Variants in KLHL30 observed in about 807,000 individuals in gnomAD.
The protein encoded by KLHL30 is kelch-like protein 30.
In KLHL30, 55 loss-of-function variants were observed where a neutral mutation model predicts 55.0. The ratio of observed to expected loss-of-function variants is 1.00; its 90% CI spans 0.80 to 1.25. The LOEUF is 1.25. Among genes scored for constraint, KLHL30 ranks in the 50% most tolerant of loss-of-function variants. The probability of loss-of-function intolerance (pLI) is 0.00; values close to 1 mark genes in which losing one functional copy is unlikely to be tolerated. For synonymous variants in KLHL30, 356 were observed against 372.6 expected (o/e 0.96, Z 0.51); for missense variants, 786 against 811.6 (o/e 0.97, Z 0.38).
chr2:238,150,497 G>A (rs978922144), intron 7 of KLHL30, among the ~76,000 whole-genome samples: 8 of 152,164 alleles, frequency 5.3e-5, no homozygotes, highest in African/African-American at 1.7e-4. Flanking sequence ...GTGAGACAGC[G>A]AAGCCTCAGT....
intron 2 of KLHL30, among the ~76,000 whole-genome samples, chr2:238,142,200 A>G (rs1167973135): frequency 1.3e-5 from 2 of 152,218 alleles, no homozygotes; most frequent in African/African-American, 4.8e-5. Context: ...GTCCGGGGAC[A>G]AAGAGTGGCT....
chr2:238,150,933 C>G lies in KLHL30; in HGVS notation c.1605C>G (p.Ala535=). 6.3e-7 allele frequency: 1 copy of G among 1,592,196 alleles called. No homozygotes were observed. The highest frequency in any genetic ancestry group is 8.5e-7 in the Non-Finnish European group (1 of 1,170,774). The part of the protein sequence containing the change: ...MEGDYHVEME[A]YDTVRDTWTR... The stretch of plus-strand genomic sequence containing the variant: ...GTGACTACCACGTGGAGATGGAGGC[C>G]TACGACACGGTTCGGGACACCTGGA... Residue 535 remains alanine, a synonymous_variant, in exon 8 of 8, where the codon GCC becomes GCG. Transcript: ENST00000409223.
In KLHL30 at chr2:238,141,264, G is replaced by A. The variant is rs1440638513; in HGVS notation, c.510G>A (p.Glu170=). 1.9e-6 allele frequency: 3 copies of A among 1,604,452 alleles called. No homozygotes were observed. The highest frequency in any genetic ancestry group is 2.7e-5 in the African/African-American group (2 of 74,916). Residue 170 remains glutamate, a synonymous_variant, in exon 2 of 8, where the codon GAG becomes GAA. Coordinates refer to ENST00000409223, the MANE Select transcript of KLHL30 (RefSeq NM_198582.4). ...ENFEAVARED[E]FLQLPRERLV... is the part of the protein sequence containing the mutation. ...TTGAGGCTGTGGCACGTGAGGACGA[G>A]TTCCTGCAGCTTCCCCGAGAGCGGC...
chr2:238,150,642 G>A (rs1450149267), intron 7 of KLHL30, among the ~76,000 whole-genome samples, 172 bp from the exon 8 acceptor site: 1 of 152,224 alleles, frequency 6.6e-6, no homozygotes, highest in Non-Finnish European at 1.5e-5. Context: ...AGTCTGAGGA[G>A]GCTGGAGGGG....
chr2:238,152,041 T>C lies in KLHL30; in HGVS notation c.*976T>C, dbSNP rs897979144. On this transcript the variant is annotated 3_prime_UTR_variant, in exon 8 of 8. Transcript: ENST00000409223. Reference sequence around the variant, plus strand: ...CCCACCTTTGCAGCTAAGGAGACAATGAAGGACTCTCCCTGGGTGCCCAAT... The same window carrying C: ...CCCACCTTTGCAGCTAAGGAGACAACGAAGGACTCTCCCTGGGTGCCCAAT... 1.0e-6 allele frequency: 1 copy of C among 985,474 alleles called. No individual in the cohort carries two copies. Among genetic ancestry groups the C allele is most frequent in the African/African-American group, 1.7e-5 (1 of 57,346 alleles). The allele number at this position is 985,474 out of a possible 1,614,324, so 61.0% of individuals were successfully genotyped here.
chr2:238,144,482 G>GGCAGGCAGGCAGGCAT (rs1559276131), intron 3 of KLHL30, among the ~76,000 whole-genome samples: 1 of 148,718 alleles, frequency 6.7e-6, no homozygotes, highest in Non-Finnish European at 1.5e-5. Context: ...CAGGCAGGCA[G>GGCAGGCAGGCAGGCAT]GCATGCTGTT....
chr2:238,150,870 G>A lies in KLHL30; in HGVS notation c.1542G>A (p.Ala514=), dbSNP rs186746917. ...ENGALVPLGD[A]LYVTGGRWQG... ...GCGCGCTGGTGCCACTGGGTGATGC[G>A]CTGTACGTGACGGGCGGCCGCTGGC... The change falls in exon 8 of 8, where the codon GCG becomes GCA. Residue 514 remains alanine, a synonymous_variant. Transcript: ENST00000409223. The A allele has an allele frequency of 1.5e-5, 24 of 1,596,140 alleles. No individual in the cohort carries two copies. Among genetic ancestry groups the A allele is most frequent in the African/African-American group, 4.0e-5 (3 of 74,730 alleles).
Position 238,140,796 on chromosome 2 carries a change from G to C in KLHL30, c.42G>C (p.Ser14=). The C allele has an allele frequency of 6.3e-7, 1 of 1,582,528 alleles. No individual in the cohort carries two copies. The part of the protein sequence containing the change: ...NVDDLDFHLP[S]HAQDMLDGLQ... Reference sequence around the variant, plus strand: ...ATGACCTGGATTTCCACCTGCCCTCGCATGCCCAGGACATGCTGGATGGCC... The same window carrying C: ...ATGACCTGGATTTCCACCTGCCCTCCCATGCCCAGGACATGCTGGATGGCC... The change falls in exon 2 of 8, where the codon TCG becomes TCC. Residue 14 remains serine, a synonymous_variant. Transcript: ENST00000409223.
chr2:238,143,663 C>T (rs1334493890), intron 3 of KLHL30, among the ~76,000 whole-genome samples: 28 of 152,216 alleles, frequency 1.8e-4, no homozygotes, highest in East Asian at 1.9e-4. Context: ...ATCTCCTTGG[C>T]GTCAGCGGCT....
Position 238,140,950 on chromosome 2 carries a change from T to C in KLHL30, c.196T>C (p.Phe66Leu). 6.2e-7 allele frequency: 1 copy of C among 1,611,710 alleles called. No individual in the cohort carries two copies. Among genetic ancestry groups the C allele is most frequent in the Non-Finnish European group, 8.5e-7 (1 of 1,179,114 alleles). The change falls in exon 2 of 8, where the codon TTC becomes CTC. Residue 66 changes from phenylalanine to leucine, a missense_variant. By Grantham distance (22) the Phe-to-Leu change is conservative. Coordinates refer to ENST00000409223, the MANE Select transcript of KLHL30 (RefSeq NM_198582.4). ...CTTCCATGCCATGTTTGCGGGTGAC[T>C]TCGCCGAGAGCTTCTCTGCGCGCGT... ...PYFHAMFAGD[F>L]AESFSARVEL...
At chr2:238,145,155 C>T (rs1692625092) in intron 4 of KLHL30, among the ~76,000 whole-genome samples, 167 bp downstream of exon 4, 1 of 152,250 alleles carries the variant, frequency 6.6e-6, no homozygotes, top group Non-Finnish European at 1.5e-5. Context: ...CTCGTGGGAG[C>T]TGGGAGCCGC....
At chr2:238,139,495 C>T (rs954637285) in intron 1 of KLHL30, among the ~76,000 whole-genome samples, 9 of 152,136 alleles carry the variant, frequency 5.9e-5, no homozygotes, top group Admixed American at 1.3e-4. Flanking sequence ...TGCGCGAGCC[C>T]GGGTTGGTCC....
intron 3 of KLHL30, among the ~76,000 whole-genome samples, chr2:238,144,177 A>G (rs1224026275): frequency 6.6e-6 from 1 of 152,136 alleles, no homozygotes; most frequent in Non-Finnish European, 1.5e-5. Context: ...TCATCAGCTG[A>G]GCAGTTCTGT....
In KLHL30 at chr2:238,151,132, T is replaced by C; in HGVS notation, c.*67T>C. ...CCTCATCAGCCTGTGGAACGGCCCC[T>C]TTCATTTTCGCTTATTTGTTCACTC... is the stretch of plus-strand genomic sequence containing the variant. On this transcript the variant is annotated 3_prime_UTR_variant, in exon 8 of 8. Transcript: ENST00000409223. 2 of 1,510,214 alleles carry C rather than the reference T, an allele frequency of 1.3e-6. No individual in the cohort carries two copies. The highest frequency in any genetic ancestry group is 1.4e-5 in the African/African-American group (1 of 72,174). 93.6% of individuals were successfully genotyped at this position (1,510,214 alleles called of 1,614,324 possible).
intron 7 of KLHL30, among the ~76,000 whole-genome samples, chr2:238,150,566 G>A (rs1692735609): frequency 6.6e-6 from 1 of 152,188 alleles, no homozygotes; most frequent in Admixed American, 6.5e-5. Flanking sequence ...CTGACTGCAG[G>A]GGTTGGAAGT....
intron 1 of KLHL30, 26 bp from the exon 2 acceptor site, chr2:238,140,659 G>C (rs1178208606): frequency 7.5e-7 from 1 of 1,339,056 alleles, no homozygotes; most frequent in Non-Finnish European, 1.0e-6. Flanking sequence ...TCCCCACTTG[G>C]CTGACCCTGC....
intron 4 of KLHL30, 84 bp downstream of exon 4, chr2:238,145,072 C>A: frequency 9.1e-7 from 1 of 1,103,438 alleles, no homozygotes; most frequent in Non-Finnish European, 1.3e-6. Flanking sequence ...CCGTGGGGTC[C>A]CTGAGGGTTA....
chr2:238,139,248 A>G (rs1267641394), intron 1 of KLHL30, among the ~76,000 whole-genome samples: 1 of 152,136 alleles, frequency 6.6e-6, no homozygotes, highest in Non-Finnish European at 1.5e-5. Context: ...GGCCCAAGGG[A>G]GCACAACAAT....
chr2:238,144,584 C>T (rs1296313884), intron 3 of KLHL30, among the ~76,000 whole-genome samples: 2 of 152,144 alleles, frequency 1.3e-5, no homozygotes, highest in Non-Finnish European at 2.9e-5. Flanking sequence ...CTGAATGGTC[C>T]ATTTGGGGTC....
Sources: gnomAD v4.1 joint callset for allele counts (sites outside exome capture counted in the v4.1 genomes callset) on GRCh38, gnomAD v4.1.1 for gene constraint, MANE v1.5 for transcripts, NCBI Gene and HGNC (gene_info 2026-07-23, HGNC 2026-07-21) for gene names.